The following SLAIN1 variants were observed in gnomAD, a reference collection of about 807,000 sequenced individuals.
SLAIN1 encodes SLAIN motif-containing protein 1.
SLAIN1 carries 17 observed loss-of-function variants against 55.4 expected under a neutral mutation model. The ratio of observed to expected loss-of-function variants is 0.31; its 90% CI spans 0.21 to 0.46. The LOEUF (loss-of-function observed/expected upper bound fraction) is 0.46. SLAIN1 is among the 20% of genes least tolerant of loss of function. The pLI, the probability that SLAIN1 is intolerant of heterozygous loss-of-function variation, is 1.00. For missense variants in SLAIN1, 682 were observed against 785.1 expected (o/e 0.87, Z 1.57); for synonymous variants, 348 against 337.4 (o/e 1.03, Z -0.35).
At position 77,697,796 on chromosome 13, in the gene SLAIN1, C is replaced by A. The variant is rs1413181643; in HGVS notation, c.-118C>A. The stretch of plus-strand genomic sequence containing the variant: ...GAACCGCCGGCTCGGCCTCAGCCCG[C>A]GCGTGGTCGGCCCCCCAGGCCGGGG... On this transcript the variant is annotated 5_prime_UTR_variant, in exon 1 of 7. Coordinates refer to ENST00000418532, the MANE Select transcript of SLAIN1 (RefSeq NM_001242868.2). The A allele has an allele frequency of 9.2e-6, 10 of 1,086,032 alleles. No individual in the cohort carries two copies. The highest frequency in any genetic ancestry group is 1.1e-5 in the Non-Finnish European group (10 of 875,150). The allele number at this position is 1,086,032 out of a possible 1,614,324, so 67.3% of individuals were successfully genotyped here.
At chr13:77,747,292 T>C (rs1873905266) in intron 4 of SLAIN1, among the ~76,000 whole-genome samples, 1 of 152,066 alleles carries the variant, frequency 6.6e-6, no homozygotes, top group Non-Finnish European at 1.5e-5. Flanking sequence ...AGATTAAAAA[T>C]CATCCTCCAG....
At chr13:77,749,707 GAAT>G (rs1455238688) in intron 4 of SLAIN1, among the ~76,000 whole-genome samples, 5 of 152,148 alleles carry the variant, frequency 3.3e-5, no homozygotes, top group African/African-American at 4.8e-5. Flanking sequence ...GAACTTTAAA[GAAT>G]ATGTGGTTAT....
intron 2 of SLAIN1, among the ~76,000 whole-genome samples, chr13:77,729,863 C>T (rs1308376829): frequency 6.6e-6 from 1 of 152,082 alleles, no homozygotes; most frequent in Non-Finnish European, 1.5e-5. Flanking sequence ...GAGGCATCAG[C>T]TGGGACCGGA....
Position 77,698,034 on chromosome 13 carries a change from A to G in SLAIN1, c.121A>G (p.Lys41Glu), listed in dbSNP as rs942752011. 2.0e-4 allele frequency: 288 copies of G among 1,418,846 alleles called. No homozygotes were observed. Among genetic ancestry groups the G allele is most frequent in the Admixed American group, 2.7e-4 (11 of 40,934 alleles). The allele number at this position is 1,418,846 out of a possible 1,614,324, so 87.9% of individuals were successfully genotyped here. Reference sequence around the variant, plus strand: ...GCAGGAGCTGGTGCGCAAGCTGGAGAAGCAGAACGAGCAGCTGCGGAGTCG... The same window carrying G: ...GCAGGAGCTGGTGCGCAAGCTGGAGGAGCAGAACGAGCAGCTGCGGAGTCG... ...KLQELVRKLE[K>E]QNEQLRSRAA... is the part of the protein sequence containing the mutation. The change falls in exon 1 of 7, where the codon AAG becomes GAG. Residue 41 changes from lysine (K) to glutamate (E), a missense_variant. Physicochemically the swap from Lys to Glu is moderately conservative, Grantham distance 56. This residue lies in a region of SLAIN1 where 401 missense variants were observed against 417.3 expected (regional missense o/e 0.96). Coordinates refer to ENST00000418532, the MANE Select transcript of SLAIN1 (RefSeq NM_001242868.2). The surrounding 1 kb of genome is among the most constrained non-coding windows in gnomAD (Gnocchi z 4.1).
chr13:77,756,954 G>C (rs1478085588), intron 5 of SLAIN1, among the ~76,000 whole-genome samples: 4 of 152,038 alleles, frequency 2.6e-5, no homozygotes, highest in Non-Finnish European at 4.4e-5. Flanking sequence ...TATGATTAGT[G>C]GTTACATGAA....
intron 1 of SLAIN1, among the ~76,000 whole-genome samples, chr13:77,710,952 A>C (rs886888747): frequency 2.0e-5 from 3 of 152,216 alleles, no homozygotes; most frequent in African/African-American, 7.2e-5. Context: ...GCACAATTAC[A>C]TGGAAACTGA....
intron 2 of SLAIN1, among the ~76,000 whole-genome samples, chr13:77,727,117 T>C (rs1371639269): frequency 6.6e-6 from 1 of 152,236 alleles, no homozygotes; most frequent in African/African-American, 2.4e-5. Context: ...TTTCTCTTTT[T>C]TCCCCCAGAA....
At chr13:77,706,530 A>T (rs1397740264) in intron 1 of SLAIN1, among the ~76,000 whole-genome samples, 1 of 152,144 alleles carries the variant, frequency 6.6e-6, no homozygotes, top group Non-Finnish European at 1.5e-5. Flanking sequence ...TTGTAGTGCT[A>T]TCCCCTCTGA....
Position 77,746,645 on chromosome 13 carries a change from G to A in SLAIN1, c.1048G>A (p.Glu350Lys). 1 of 1,613,730 alleles carries A rather than the reference G, an allele frequency of 6.2e-7. No homozygotes were observed. The highest frequency in any genetic ancestry group is 1.1e-5 in the South Asian group (1 of 91,080). The change falls in exon 4 of 7, where the codon GAA becomes AAA. Residue 350 changes from glutamate (E) to lysine (K), a missense_variant. By Grantham distance (56) the Glu-to-Lys change is moderately conservative. Around this residue, in one of 3 missense-constraint regions of SLAIN1, gnomAD observed 37 missense variants for 72.6 expected, o/e 0.51. Coordinates refer to ENST00000418532, the MANE Select transcript of SLAIN1 (RefSeq NM_001242868.2). ...CCAATACAGTCTGGAGGATGAAGAG[G>A]AATTTGATCATTTGCCACCACCTCA... is the stretch of plus-strand genomic sequence containing the variant. ...YDQYSLEDEE[E>K]FDHLPPPQPR...
intron 2 of SLAIN1, among the ~76,000 whole-genome samples, chr13:77,724,594 T>G (rs922794315): frequency 6.6e-6 from 1 of 152,202 alleles, no homozygotes; most frequent in Non-Finnish European, 1.5e-5. Flanking sequence ...TGGCTTCCAA[T>G]TAAGGGGGTC....
intron 4 of SLAIN1, among the ~76,000 whole-genome samples, chr13:77,751,792 G>A (rs561750451): frequency 2.0e-5 from 3 of 152,276 alleles, no homozygotes; most frequent in Non-Finnish European, 4.4e-5. Flanking sequence ...AGTGGGTGAC[G>A]CATGCTGTGC....
At chr13:77,744,854 A>G (rs1873707301) in intron 3 of SLAIN1, among the ~76,000 whole-genome samples, 1 of 152,120 alleles carries the variant, frequency 6.6e-6, no homozygotes, top group African/African-American at 2.4e-5. Context: ...TGGGTAAATG[A>G]TTAAACCAAT....
intron 2 of SLAIN1, among the ~76,000 whole-genome samples, chr13:77,732,443 G>A (rs1033032738): frequency 1.3e-5 from 2 of 152,092 alleles, no homozygotes; most frequent in Non-Finnish European, 2.9e-5. Context: ...TATTCTAGCT[G>A]GTTGTCAGCT....
intron 2 of SLAIN1, 144 bp from the exon 3 acceptor site, chr13:77,744,139 G>A (rs116944673): frequency 0.017 from 11,629 of 693,334 alleles, 137 homozygotes; most frequent in Non-Finnish European, 0.025. Flanking sequence ...TGATGTGCAC[G>A]TTGACCATTA....
At chr13:77,743,881 G>A (rs1873625973) in intron 2 of SLAIN1, among the ~76,000 whole-genome samples, 1 of 151,908 alleles carries the variant, frequency 6.6e-6, no homozygotes, top group Admixed American at 6.6e-5. Context: ...GTTACTGTCA[G>A]ACAAGTGTGT....
chr13:77,744,133 G>T, intron 2 of SLAIN1, 150 bp from the exon 3 acceptor site: 1 of 679,964 alleles, frequency 1.5e-6, no homozygotes, highest in South Asian at 1.7e-5. Flanking sequence ...TACACATGAT[G>T]TGCACGTTGA....
chr13:77,714,757 G>A (rs1232676630), intron 1 of SLAIN1, among the ~76,000 whole-genome samples: 1 of 152,082 alleles, frequency 6.6e-6, no homozygotes. Context: ...ATATACCCGG[G>A]AAATCATGAC....
intron 2 of SLAIN1, among the ~76,000 whole-genome samples, chr13:77,720,643 A>G (rs1247786615): frequency 6.6e-6 from 1 of 152,086 alleles, no homozygotes; most frequent in Non-Finnish European, 1.5e-5. Context: ...GTGTAACTGA[A>G]CTCATCTTTA....
At chr13:77,732,135 G>C (rs985543566) in intron 2 of SLAIN1, among the ~76,000 whole-genome samples, 1 of 152,078 alleles carries the variant, frequency 6.6e-6, no homozygotes, top group Non-Finnish European at 1.5e-5. Context: ...ACTGGGATAA[G>C]CCATAACTCA....
Sources: allele counts gnomAD v4.1 joint callset (sites outside exome capture counted in the v4.1 genomes callset), GRCh38; gene constraint gnomAD v4.1.1; regional missense constraint gnomAD v4.1.1; non-coding constraint Gnocchi (gnomAD v3.1); transcripts MANE v1.5; gene names NCBI Gene and HGNC (gene_info 2026-07-23, HGNC 2026-07-21).